The following CYRIA variants were observed in gnomAD, a reference collection of about 807,000 sequenced individuals.
CYRIA encodes the protein CYFIP-related Rac1 interactor A.
CYRIA carries 15 observed loss-of-function variants against 43.9 expected under a neutral mutation model. That is an observed-to-expected ratio of 0.34 (90% CI 0.23 to 0.53). The LOEUF (loss-of-function observed/expected upper bound fraction) is 0.53. CYRIA is among the 20% of genes least tolerant of loss of function. The probability of loss-of-function intolerance (pLI) is 0.94; values close to 1 mark genes in which losing one functional copy is unlikely to be tolerated. For synonymous variants in CYRIA, 117 were observed against 136.0 expected, an observed-to-expected ratio of 0.86 and a Z score of 0.97; for missense variants, 236 against 394.2, an observed-to-expected ratio of 0.60 and a Z score of 3.40.
At chr2:16,602,646 T>A (rs1668251788) in intron 2 of CYRIA, among the ~76,000 whole-genome samples, 1 of 151,950 alleles carries the variant, frequency 6.6e-6, no homozygotes, top group Admixed American at 6.6e-5. Flanking sequence ...CTGAATACAC[T>A]CCATATTAGA....
chr2:16,575,298 CT>C lies in CYRIA; in HGVS notation c.71-9532del, dbSNP rs572121519. 1.0e-3 allele frequency among the ~76,000 whole-genome samples: 158 copies of C among 152,208 alleles called. 1 individual carries two copies. The highest frequency in any genetic ancestry group is 2.0e-3 in the Non-Finnish European group (136 of 68,010). On this transcript the variant is annotated intron_variant, in intron 3 of 11. Transcript: ENST00000381323. ...CCCAGATGAGACTTTGGTCTTTGGA[CT>C]TTTGAGTTAATGCTGAAATGAGTTA...
chr2:16,618,519 C>T (rs1418612902), intron 2 of CYRIA, among the ~76,000 whole-genome samples: 1 of 152,154 alleles, frequency 6.6e-6, no homozygotes, highest in Non-Finnish European at 1.5e-5. Context: ...ACCAGACAGC[C>T]CTGGCTGTAA....
Position 16,561,465 on chromosome 2 carries a change from G to A in CYRIA, c.504C>T (p.Asn168=), listed in dbSNP as rs750031103. ...CGACCCAGGGACTCACGTGCATGTT[G>A]TTGATGCGGTTGCGACTGATTGTTC... ...YRRTISRNRI[N]NMHLDIENEV... Residue 168 remains asparagine, a synonymous_variant, in exon 7 of 12, where the codon AAC becomes AAT. Transcript: ENST00000381323. 19 of 1,613,664 alleles carry A rather than the reference G, an allele frequency of 1.2e-5. No individual in the cohort carries two copies. The highest frequency in any genetic ancestry group is 1.7e-5 in the Admixed American group (1 of 59,972).
At chr2:16,648,415 A>T (rs940943040) in intron 1 of CYRIA, among the ~76,000 whole-genome samples, 1 of 152,140 alleles carries the variant, frequency 6.6e-6, no homozygotes, top group Admixed American at 6.5e-5. Flanking sequence ...CACTATGTCA[A>T]TACTGTCCCT....
chr2:16,580,028 G>A (rs1040334061), intron 3 of CYRIA, among the ~76,000 whole-genome samples: 2 of 151,750 alleles, frequency 1.3e-5, no homozygotes, highest in African/African-American at 4.8e-5. Flanking sequence ...GATCACTGCA[G>A]CCTCCACCTC....
chr2:16,559,522 C>T lies in CYRIA; in HGVS notation c.775G>A (p.Val259Ile). 1 of 1,612,994 alleles carries T rather than the reference C, an allele frequency of 6.2e-7. No homozygotes were observed. The highest frequency in any genetic ancestry group is 8.5e-7 in the Non-Finnish European group (1 of 1,179,180). Reference sequence around the variant, plus strand: ...TGGACATGGTCATAGAGGATGATGACTCCCACCATCACCCTCATGCAGAAC... The same window carrying T: ...TGGACATGGTCATAGAGGATGATGATTCCCACCATCACCCTCATGCAGAAC... Reference protein sequence around the residue: ...LMFCMRVMVGVIILYDHVHPV... With the variant: ...LMFCMRVMVGIIILYDHVHPV... The change falls in exon 10 of 12, where the codon GTC (valine) becomes ATC (isoleucine). Residue 259 changes from valine (V) to isoleucine (I), a missense_variant. Val to Ile is a conservative substitution (Grantham distance 29). This residue lies in a region of CYRIA where 3 missense variants were observed against 28.2 expected (regional missense o/e 0.11). Transcript: ENST00000381323.
rs539724846 is a variant in CYRIA at position 16,609,068 on chromosome 2, A to C, written c.-11+14796T>G. On this transcript the variant is annotated intron_variant, in intron 2 of 11. Coordinates refer to ENST00000381323, the MANE Select transcript of CYRIA (RefSeq NM_030797.4). Reference sequence around the variant, plus strand: ...AGGCGAAGGCGAGTGCACACACACAAGCGGACATTGTAAGGCTGTTTGCAC... The same window carrying C: ...AGGCGAAGGCGAGTGCACACACACACGCGGACATTGTAAGGCTGTTTGCAC... Among the ~76,000 whole-genome samples, 3 of 152,172 alleles carry C rather than the reference A, an allele frequency of 2.0e-5. No homozygotes were observed. In the East Asian group the frequency reaches 5.8e-4, roughly 29 times the overall value.
intron 1 of CYRIA, among the ~76,000 whole-genome samples, chr2:16,655,739 A>C: frequency 6.7e-6 from 1 of 150,188 alleles, no homozygotes; most frequent in Non-Finnish European, 1.5e-5. Flanking sequence ...ACTTTCCCCA[A>C]CTGACTATTA....
At chr2:16,602,141 G>A (rs1668237418) in intron 2 of CYRIA, among the ~76,000 whole-genome samples, 3 of 151,958 alleles carry the variant, frequency 2.0e-5, no homozygotes, top group South Asian at 4.2e-4. Context: ...GCCCTACCAG[G>A]GTTTATTTTC....
At chr2:16,623,091 G>GT (rs1318412570) in intron 2 of CYRIA, 2 of 152,206 alleles carry the variant, frequency 1.3e-5, no homozygotes, top group Non-Finnish European at 2.9e-5. Flanking sequence ...ATCTCAGTGT[G>GT]TTGGCATTTT....
intron 1 of CYRIA, among the ~76,000 whole-genome samples, chr2:16,642,852 C>T (rs1324938951): frequency 3.3e-5 from 5 of 152,132 alleles, no homozygotes; most frequent in Non-Finnish European, 7.4e-5. Context: ...GAGAACCATC[C>T]TGACCGCCCT....
At chr2:16,648,896 CCAGT>C (rs1274122929) in intron 1 of CYRIA, among the ~76,000 whole-genome samples, 2 of 152,102 alleles carry the variant, frequency 1.3e-5, no homozygotes, top group South Asian at 2.1e-4. Flanking sequence ...TTCTTAGTAT[CCAGT>C]CAAATATTAT....
chr2:16,603,109 G>C (rs1322184539), intron 2 of CYRIA, among the ~76,000 whole-genome samples: 1 of 152,054 alleles, frequency 6.6e-6, no homozygotes, highest in African/African-American at 2.4e-5. Flanking sequence ...TGGCTCCCCA[G>C]TGCCTGTCGG....
intron 3 of CYRIA, among the ~76,000 whole-genome samples, chr2:16,582,715 A>T (rs1244851798): frequency 2.6e-5 from 4 of 152,174 alleles, no homozygotes; most frequent in African/African-American, 7.2e-5. Context: ...ATTGATCAAT[A>T]ATATTGCATT....
In CYRIA at chr2:16,552,920, T is replaced by C. The variant is rs372607588; in HGVS notation, c.*16A>G. On this transcript the variant is annotated 3_prime_UTR_variant, in exon 12 of 12. Transcript: ENST00000381323. ...TTCTGAGGTCAGCACATAGATCCTC[T>C]TCTTTGAGCAGAGCTCTACTGAAGC... 1.8e-5 allele frequency: 28 copies of C among 1,551,384 alleles called. No individual in the cohort carries two copies. The highest frequency in any genetic ancestry group is 1.8e-4 in the East Asian group (8 of 44,568).
intron 1 of CYRIA, among the ~76,000 whole-genome samples, chr2:16,625,542 G>T (rs1257705120): frequency 6.6e-6 from 1 of 152,222 alleles, no homozygotes; most frequent in Non-Finnish European, 1.5e-5. Context: ...TAGGAAACCG[G>T]ATTGTGATGG....
chr2:16,626,984 A>T (rs1226720621), intron 1 of CYRIA, among the ~76,000 whole-genome samples: 5 of 152,092 alleles, frequency 3.3e-5, no homozygotes, highest in African/African-American at 9.7e-5. Flanking sequence ...CCAGTTTATA[A>T]ATGGAGAAGC....
At chr2:16,615,925 G>T (rs1178415015) in intron 2 of CYRIA, among the ~76,000 whole-genome samples, 1 of 152,202 alleles carries the variant, frequency 6.6e-6, no homozygotes, top group Admixed American at 6.5e-5. Flanking sequence ...ACAGGCCCAG[G>T]GTTGGCATGG....
At chr2:16,593,035 T>C (rs764453064) in intron 2 of CYRIA, among the ~76,000 whole-genome samples, 12 of 152,186 alleles carry the variant, frequency 7.9e-5, no homozygotes, top group Non-Finnish European at 1.5e-4. Context: ...AGTACGATAA[T>C]AGTATCTCCT....
Sources: gnomAD v4.1 joint callset for allele counts (sites outside exome capture counted in the v4.1 genomes callset) on GRCh38, gnomAD v4.1.1 for gene constraint, gnomAD v4.1.1 regional missense constraint, MANE v1.5 for transcripts, NCBI Gene and HGNC (gene_info 2026-07-23, HGNC 2026-07-21) for gene names.